Variants in HDAC9 observed in about 807,000 individuals in gnomAD.
HDAC9 encodes the protein MEF-2 interacting transcription repressor (MITR) protein.
A neutral mutation model predicts 139.4 loss-of-function variants in HDAC9; 41 were observed. That is an observed-to-expected ratio of 0.29 (90% CI 0.23 to 0.38). HDAC9 has a LOEUF of 0.38. Ranked by LOEUF, HDAC9 falls within the 10% of genes least tolerant of loss-of-function variation. The pLI is 1.00. For missense variants in HDAC9, 1,147 were observed against 1,297.0 expected (o/e 0.88, Z 1.78); for synonymous variants, 517 against 476.2 (o/e 1.09, Z -1.12).
chr7:18,454,267 TATA>T (rs1283133914), intron 1 of HDAC9, among the ~76,000 whole-genome samples: 3 of 152,128 alleles, frequency 2.0e-5, no homozygotes, highest in Non-Finnish European at 4.4e-5. Flanking sequence ...TAATTAATCT[TATA>T]ATTTTAGGTA....
intron 12 of HDAC9, among the ~76,000 whole-genome samples, chr7:18,699,017 G>A (rs974033594): frequency 4.6e-5 from 7 of 151,988 alleles, no homozygotes; most frequent in Admixed American, 2.0e-4. Context: ...ACAATAGTTC[G>A]TCTTCAGACT....
intron 2 of HDAC9, among the ~76,000 whole-genome samples, chr7:18,558,450 G>T (rs183833149): frequency 3.3e-5 from 5 of 152,222 alleles, no homozygotes; most frequent in Non-Finnish European, 7.4e-5. Context: ...ACATTTCAGG[G>T]TTAGCTCACT....
At chr7:18,359,146 A>C (rs1783569703) in intron 1 of HDAC9, among the ~76,000 whole-genome samples, 1 of 152,182 alleles carries the variant, frequency 6.6e-6, no homozygotes, top group Admixed American at 6.5e-5. Context: ...ACATGATGTC[A>C]GGAGTTCAAT....
chr7:18,883,767 A>G (rs1005497262), intron 22 of HDAC9, among the ~76,000 whole-genome samples: 1 of 152,138 alleles, frequency 6.6e-6, no homozygotes, highest in Non-Finnish European at 1.5e-5. Flanking sequence ...TCCAAATGAC[A>G]TGATTTTATA....
At chr7:18,724,946 C>T (rs1267967473) in intron 12 of HDAC9, among the ~76,000 whole-genome samples, 1 of 152,056 alleles carries the variant, frequency 6.6e-6, no homozygotes, top group Non-Finnish European at 1.5e-5. Context: ...GGGGAAAGCG[C>T]AATTAATGTG....
At chr7:18,985,286 T>G (rs1184048902) in intron 25 of HDAC9, among the ~76,000 whole-genome samples, 3 of 152,110 alleles carry the variant, frequency 2.0e-5, no homozygotes, top group African/African-American at 7.2e-5. Flanking sequence ...GTTCTCATTG[T>G]TCAATTCCCA....
intron 16 of HDAC9, among the ~76,000 whole-genome samples, chr7:18,778,957 T>C (rs909756868): frequency 2.0e-5 from 3 of 152,180 alleles, no homozygotes; most frequent in Non-Finnish European, 4.4e-5. Flanking sequence ...GGCATGCCCC[T>C]TTTCTCCTCC....
At chr7:18,742,041 A>G (rs149729449) in intron 13 of HDAC9, among the ~76,000 whole-genome samples, 1,755 of 152,330 alleles carry the variant, frequency 0.012, 25 homozygotes, top group African/African-American at 0.032. Flanking sequence ...CTCCTGGTGA[A>G]GATGCAGTGG....
intron 22 of HDAC9, among the ~76,000 whole-genome samples, chr7:18,884,575 C>T (rs1799981985): frequency 6.6e-6 from 1 of 152,060 alleles, no homozygotes. Flanking sequence ...ATGTGTAAGA[C>T]CTGAAATTGT....
Position 18,732,985 on chromosome 7 carries a change from G to GTGTGTGTATGTGTATATACACATGTGTA in HDAC9, c.1909+5238_1909+5265dup, listed in dbSNP as rs1400917039. 4.8e-5 allele frequency among the ~76,000 whole-genome samples: 7 copies of GTGTGTGTATGTGTATATACACATGTGTA among 145,260 alleles called. 1 individual carries two copies. The highest frequency in any genetic ancestry group is 1.6e-4 in the African/African-American group (6 of 38,554). On this transcript the variant is annotated intron_variant, in intron 13 of 25. Coordinates refer to ENST00000686413, the MANE Select transcript of HDAC9 (RefSeq NM_178425.4). Reference sequence around the variant, plus strand: ...TGTATGTGTATATACACATGTGTATGTGTGTGTATGTGTATATACACATGT... The same window carrying GTGTGTGTATGTGTATATACACATGTGTA: ...TGTATGTGTATATACACATGTGTATGTGTGTGTATGTGTATATACACATGTGTATGTGTGTATGTGTATATACACATGT...
chr7:18,793,151 G>C (rs1772161700), intron 16 of HDAC9, 194 bp from the exon 17 acceptor site: 1 of 572,256 alleles, frequency 1.7e-6, no homozygotes, highest in African/African-American at 1.9e-5. Context: ...TGTCCAGAAG[G>C]CCTTTTCAGC....
chr7:18,526,899 CA>C (rs1807129155), intron 2 of HDAC9, among the ~76,000 whole-genome samples: 1 of 151,938 alleles, frequency 6.6e-6, no homozygotes, highest in Non-Finnish European at 1.5e-5. Flanking sequence ...TCTGTCTAGT[CA>C]ATAAGAAATT....
chr7:18,354,053 G>T (rs1251079483), intron 1 of HDAC9, among the ~76,000 whole-genome samples: 1 of 151,740 alleles, frequency 6.6e-6, no homozygotes, highest in African/African-American at 2.4e-5. Context: ...CAAATTCTGG[G>T]TTGTATGTTT....
chr7:18,810,476 A>T (rs148127927), intron 17 of HDAC9, among the ~76,000 whole-genome samples: 241 of 151,998 alleles, frequency 1.6e-3, no homozygotes, highest in Non-Finnish European at 2.8e-3. Flanking sequence ...ATATGGCTAT[A>T]AGCAGTTTAA....
chr7:18,136,555 T>C (rs1282168921), intron 1 of HDAC9, among the ~76,000 whole-genome samples: 1 of 152,228 alleles, frequency 6.6e-6, no homozygotes, highest in Non-Finnish European at 1.5e-5. Flanking sequence ...ATTTATTAAA[T>C]AGGGAATCCT....
chr7:18,111,623 A>G (rs1193844805), intron 1 of HDAC9, among the ~76,000 whole-genome samples: 1 of 152,204 alleles, frequency 6.6e-6, no homozygotes, highest in Non-Finnish European at 1.5e-5. Flanking sequence ...TATAAATGCT[A>G]TGTAAGTAGT....
chr7:18,245,984 G>A (rs1794497957), intron 2 of HDAC9, among the ~76,000 whole-genome samples: 1 of 151,698 alleles, frequency 6.6e-6, no homozygotes, highest in Non-Finnish European at 1.5e-5. Flanking sequence ...GATAATCACT[G>A]AGTCTATGTA....
At chr7:18,993,144 T>TGACCTAGGGACAG (rs77947799) in intron 25 of HDAC9, among the ~76,000 whole-genome samples, 1 of 151,442 alleles carries the variant, frequency 6.6e-6, no homozygotes, top group African/African-American at 2.4e-5. Flanking sequence ...GACATATTTT[T>TGACCTAGGGACAG]TGATTATATG....
chr7:18,246,635 T>A lies in HDAC9; in HGVS notation c.25+84286T>A, dbSNP rs548200142. The stretch of plus-strand genomic sequence containing the variant: ...CTGGAGTCTAGTAAGTGAAGGGGAG[T>A]TTCGTAGGGGAGAAAGTCAGTGAAG... On this transcript the variant is annotated intron_variant, in intron 2 of 12. Coordinates refer to the HDAC9 transcript ENST00000417496. Among the ~76,000 whole-genome samples the A allele has an allele frequency of 3.3e-5, 5 of 151,144 alleles. No homozygotes were observed. In the South Asian group the frequency reaches 1.1e-3, roughly 32 times the overall value.
Sources: gnomAD v4.1 joint callset for allele counts (sites outside exome capture counted in the v4.1 genomes callset) on GRCh38, gnomAD v4.1.1 for gene constraint, MANE v1.5 for transcripts, NCBI Gene and HGNC (gene_info 2026-07-23, HGNC 2026-07-21) for gene names.